Variants in GREM2 observed in about 807,000 individuals in gnomAD.
GREM2 encodes gremlin 2, DAN family BMP antagonist, also known as gremlin-2.
In GREM2, 11 loss-of-function variants were observed where a neutral mutation model predicts 14.2. That is an observed-to-expected ratio of 0.78 (90% CI 0.49 to 1.28). GREM2 has a LOEUF of 1.28. Ranked by LOEUF, GREM2 falls within the 50% of genes most tolerant of loss-of-function variation. The pLI is 0.00. For synonymous variants in GREM2, 98 were observed against 97.6 expected, an observed-to-expected ratio of 1.00 and a Z score of -0.02; for missense variants, 210 against 218.5, an observed-to-expected ratio of 0.96 and a Z score of 0.24.
At chr1:240,551,027 C>G (rs1678839508) in intron 1 of GREM2, among the ~76,000 whole-genome samples, 2 of 152,206 alleles carry the variant, frequency 1.3e-5, no homozygotes, top group Non-Finnish European at 2.9e-5. Context: ...TTAAAGTTTT[C>G]TATCCTGGGC....
rs536156038 is a variant in GREM2 at position 240,524,085 on chromosome 1, T to C, written c.-1-30609A>G. 8.5e-5 allele frequency among the ~76,000 whole-genome samples: 13 copies of C among 152,358 alleles called. No homozygotes were observed. In the South Asian group the frequency reaches 2.5e-3, roughly 29 times the overall value. On this transcript the variant is annotated intron_variant, in intron 1 of 1. Coordinates refer to ENST00000318160, the MANE Select transcript of GREM2 (RefSeq NM_022469.4). ...TTGGAGTGCAGTGATGTAATAATCA[T>C]AGCTCACTGCAACCTCAAACTTGTG...
At chr1:240,558,163 G>T (rs543009058) in intron 1 of GREM2, among the ~76,000 whole-genome samples, 1 of 152,092 alleles carries the variant, frequency 6.6e-6, no homozygotes, top group East Asian at 1.9e-4. Flanking sequence ...CATCTTCCAC[G>T]TGGGGAGTGA....
At chr1:240,590,431 CT>C (rs11343465) in intron 1 of GREM2, among the ~76,000 whole-genome samples, 35,133 of 139,008 alleles carry the variant, frequency 0.25, 5,328 homozygotes, top group African/African-American at 0.44. Flanking sequence ...CTTTTTCTTT[CT>C]TTTTTTTTTT....
intron 1 of GREM2, among the ~76,000 whole-genome samples, chr1:240,579,054 ACT>A (rs1349520852): frequency 2.6e-5 from 4 of 151,896 alleles, no homozygotes; most frequent in Non-Finnish European, 5.9e-5. Flanking sequence ...TTCCCTTCAG[ACT>A]CTCATTGTCA....
At position 240,491,724 on chromosome 1, in the gene GREM2, T is replaced by G. The variant is rs933786643; in HGVS notation, c.*1245A>C. On this transcript the variant is annotated 3_prime_UTR_variant, in exon 2 of 2. Transcript: ENST00000318160. ...ATTTTTCAATATCCCTCTCTTTTTC[T>G]CTTTCTTTTAACAGGAAATATTTTT... The G allele has an allele frequency of 1.3e-5, 2 of 152,682 alleles. No homozygotes were observed. The highest frequency in any genetic ancestry group is 4.8e-5 in the African/African-American group (2 of 41,444). The allele number at this position is 152,682 out of a possible 1,614,324, so 9.5% of individuals were successfully genotyped here.
chr1:240,503,954 T>C (rs1677626961), intron 1 of GREM2, among the ~76,000 whole-genome samples: 1 of 152,172 alleles, frequency 6.6e-6, no homozygotes, highest in Non-Finnish European at 1.5e-5. Context: ...GTTTTAAATG[T>C]TTATTAATTT....
At chr1:240,539,126 C>T (rs1367648225) in intron 1 of GREM2, among the ~76,000 whole-genome samples, 7 of 152,170 alleles carry the variant, frequency 4.6e-5, no homozygotes. Flanking sequence ...AAAGCCAAGC[C>T]TTGTGCACTG....
chr1:240,594,871 A>T (rs115238635), intron 1 of GREM2, among the ~76,000 whole-genome samples: 2,965 of 152,242 alleles, frequency 0.019, 95 homozygotes, highest in African/African-American at 0.068. Flanking sequence ...TGCTGCTCAG[A>T]GGCTACCAAC....
chr1:240,514,083 A>G (rs1473714847), intron 1 of GREM2, among the ~76,000 whole-genome samples: 1 of 151,686 alleles, frequency 6.6e-6, no homozygotes, highest in Non-Finnish European at 1.5e-5. Context: ...ATGCCTCTAC[A>G]AAAAAATACA....
intron 1 of GREM2, among the ~76,000 whole-genome samples, chr1:240,562,985 AGT>A (rs566267091): frequency 9.0e-6 from 1 of 110,942 alleles, no homozygotes; most frequent in African/African-American, 4.0e-5. Flanking sequence ...TGTATATGTA[AGT>A]GTGTATGTGT....
intron 1 of GREM2, among the ~76,000 whole-genome samples, chr1:240,566,678 C>T (rs1679180907): frequency 6.6e-6 from 1 of 152,096 alleles, no homozygotes; most frequent in Non-Finnish European, 1.5e-5. Context: ...GATTAGAGAC[C>T]TTGAAAGATC....
chr1:240,598,487 C>T (rs1437439873), intron 1 of GREM2, among the ~76,000 whole-genome samples: 2 of 152,174 alleles, frequency 1.3e-5, no homozygotes, highest in East Asian at 1.9e-4. Context: ...GATATTTTTA[C>T]AACTGAGGAT....
intron 1 of GREM2, among the ~76,000 whole-genome samples, chr1:240,592,434 T>C (rs1679731943): frequency 6.6e-6 from 1 of 152,176 alleles, no homozygotes; most frequent in Non-Finnish European, 1.5e-5. Context: ...AAAAAAGCCA[T>C]TAAAATGGTC....
rs1678651634 is a variant in GREM2, at chr1:240,543,709, G to A, written c.-1-50233C>T. 6.6e-6 allele frequency among the ~76,000 whole-genome samples: 1 copy of A among 152,058 alleles called. No homozygotes were observed. Among genetic ancestry groups the A allele is most frequent in the South Asian group, 2.1e-4 (1 of 4,818 alleles). ...GTAAACACAAAATATATCATCAAGG[G>A]CAACTTACTATATTAAACCTACCTT... On this transcript the variant is annotated intron_variant, in intron 1 of 1. Coordinates refer to ENST00000318160, the MANE Select transcript of GREM2 (RefSeq NM_022469.4). This position sits in a 1 kb window ranked among gnomAD's most constrained non-coding sequence, Gnocchi z 6.4.
intron 1 of GREM2, among the ~76,000 whole-genome samples, chr1:240,554,338 G>A (rs1300820278): frequency 6.6e-6 from 1 of 151,472 alleles, no homozygotes; most frequent in Non-Finnish European, 1.5e-5. Flanking sequence ...TTGAACCTGG[G>A]AGGTAGAGGT....
chr1:240,530,825 G>A (rs1678339056), intron 1 of GREM2: 1 of 152,124 alleles, frequency 6.6e-6, no homozygotes, highest in African/African-American at 2.4e-5. Flanking sequence ...ACAAAAATAG[G>A]GCCTCACAGT....
chr1:240,509,847 G>T (rs766735023), intron 1 of GREM2, among the ~76,000 whole-genome samples: 2 of 152,108 alleles, frequency 1.3e-5, no homozygotes, highest in Non-Finnish European at 2.9e-5. Flanking sequence ...ATATGAAGAA[G>T]ATCATCTGTA....
chr1:240,520,520 G>T (rs184886506), intron 1 of GREM2, among the ~76,000 whole-genome samples: 2 of 152,172 alleles, frequency 1.3e-5, no homozygotes, highest in Non-Finnish European at 2.9e-5. Context: ...TCCTCATTCA[G>T]ATTATAAATT....
chr1:240,586,556 G>A (rs921479084), intron 1 of GREM2, among the ~76,000 whole-genome samples: 6 of 152,136 alleles, frequency 3.9e-5, no homozygotes, highest in African/African-American at 1.4e-4. Context: ...ATGCTGGTAT[G>A]TAAGGAAGGA....
Sources: gnomAD v4.1 joint callset for allele counts (sites outside exome capture counted in the v4.1 genomes callset) on GRCh38, gnomAD v4.1.1 for gene constraint, Gnocchi (gnomAD v3.1) non-coding constraint, MANE v1.5 for transcripts, NCBI Gene and HGNC (gene_info 2026-07-23, HGNC 2026-07-21) for gene names.